Variants in HCN2 observed in about 807,000 individuals in gnomAD.
HCN2 encodes hyperpolarization activated cyclic nucleotide gated potassium and sodium channel 2, also known as potassium/sodium hyperpolarization-activated cyclic nucleotide-gated channel 2.
HCN2 carries 20 observed loss-of-function variants against 52.3 expected under a neutral mutation model. The observed-to-expected ratio is 0.38, with a 90% CI of 0.27 to 0.56. HCN2 has a LOEUF of 0.56. Ranked by LOEUF, HCN2 falls within the 20% of genes least tolerant of loss-of-function variation. The probability of loss-of-function intolerance (pLI) is 0.71; values close to 1 mark genes in which losing one functional copy is unlikely to be tolerated. For missense variants in HCN2, 981 were observed against 1,207.7 expected (o/e 0.81, Z 2.78); for synonymous variants, 694 against 537.0 (o/e 1.29, Z -4.04).
chr19:614,276 T>C (rs1303319187), intron 7 of HCN2, among the ~76,000 whole-genome samples: 1 of 152,168 alleles, frequency 6.6e-6, no homozygotes, highest in Non-Finnish European at 1.5e-5. Flanking sequence ...TTGTCCTACT[T>C]CAGCCAGAGG....
In HCN2 at chr19:590,509, C is replaced by T. The variant is rs370644700; in HGVS notation, c.564C>T (p.Ala188=). 2 of 1,521,166 alleles carry T rather than the reference C, an allele frequency of 1.3e-6. No individual in the cohort carries two copies. Among genetic ancestry groups the T allele is most frequent in the Admixed American group, 1.9e-5 (1 of 52,756 alleles). The allele number at this position is 1,521,166 out of a possible 1,614,324, so 94.2% of individuals were successfully genotyped here. A position where few individuals can be genotyped will look rare whatever the true frequency, so the allele number is the denominator to read the frequency against. ...FSLRMFGSQK[A]VEREQERVKS... ...TGCGGATGTTCGGCAGCCAGAAGGC[C>T]GTGGAGCGCGAGCAGGAGCGCGTCA... The change falls in exon 1 of 8, where the codon GCC becomes GCT. Residue 188 remains alanine, a synonymous_variant. Coordinates refer to ENST00000251287, the MANE Select transcript of HCN2 (RefSeq NM_001194.4). This position sits in a 1 kb window ranked among gnomAD's most constrained non-coding sequence, Gnocchi z 7.2.
chr19:597,736 G>T (rs1229984156), intron 1 of HCN2, among the ~76,000 whole-genome samples: 2 of 151,058 alleles, frequency 1.3e-5, no homozygotes, highest in African/African-American at 4.9e-5. Flanking sequence ...AGGTCCTCCT[G>T]GTGGTTTCTA....
chr19:610,129 GC>G, intron 4 of HCN2, 129 bp from the exon 5 acceptor site: 1 of 1,076,110 alleles, frequency 9.3e-7, no homozygotes, highest in African/African-American at 1.6e-5. Flanking sequence ...ACAAGCAGGT[GC>G]CCGTGTGCCC....
Position 603,658 on chromosome 19 carries a change from G to C in HCN2, c.747G>C (p.Val249=), listed in dbSNP as rs760661829. 4 of 1,612,484 alleles carry C rather than the reference G, an allele frequency of 2.5e-6. No homozygotes were observed. In the East Asian group the frequency reaches 8.9e-5, roughly 36 times the overall value. Residue 249 remains valine (V), a synonymous_variant, in exon 2 of 8, where the codon GTG becomes GTC. Transcript: ENST00000251287. ...CTGCCCCGTGGATCGTGTTCAACGT[G>C]GTCTCGGACACCTTCTTCCTCATGG... The part of the protein sequence containing the change: ...ETTAPWIVFN[V]VSDTFFLMDL...
chr19:601,014 C>T (rs944918050), intron 1 of HCN2, among the ~76,000 whole-genome samples: 2 of 152,244 alleles, frequency 1.3e-5, no homozygotes, highest in Non-Finnish European at 2.9e-5. Context: ...CTGGACATTT[C>T]GTAGAAATGG....
In HCN2 at chr19:616,368, G is replaced by A; in HGVS notation, c.2564G>A (p.Arg855Gln). 6 of 1,223,038 alleles carry A rather than the reference G, an allele frequency of 4.9e-6. No individual in the cohort carries two copies. The highest frequency in any genetic ancestry group is 1.6e-5 in the African/African-American group (1 of 61,596). 75.8% of individuals were successfully genotyped at this position (1,223,038 alleles called of 1,614,324 possible). Residue 855 changes from arginine to glutamine, a missense_variant, in exon 8 of 8, where the codon CGG becomes CAG. Coordinates refer to ENST00000251287, the MANE Select transcript of HCN2 (RefSeq NM_001194.4). Reference protein sequence around the residue: ...TPRLGPTPAARAAAPSPDRRD... With the variant: ...TPRLGPTPAAQAAAPSPDRRD... ...CGCTTGGGGCCCACGCCCGCTGCCC[G>A]GGCCGCCGCGCCCAGCCCGGACCGC...
intron 3 of HCN2, among the ~76,000 whole-genome samples, chr19:606,256 AC>A (rs910860374): frequency 2.0e-5 from 3 of 151,990 alleles, no homozygotes; most frequent in Middle Eastern, 3.4e-3. Flanking sequence ...GCCCGCCACC[AC>A]ACCTGGATAA....
In HCN2 at chr19:603,917, C is replaced by A. The variant is rs765553182; in HGVS notation, c.1006C>A (p.Arg336=). Residue 336 remains arginine (R), a synonymous_variant, in exon 2 of 8, where the codon CGG becomes AGG. Coordinates refer to ENST00000251287, the MANE Select transcript of HCN2 (RefSeq NM_001194.4). ...VRFTKILSLL[R]LLRLSRLIRY... ...CTTCACCAAGATCCTCAGCCTCCTGCGGCTGCTGCGCCTCTCACGCCTGAT... is the reference window on the plus strand; with the variant it reads ...CTTCACCAAGATCCTCAGCCTCCTGAGGCTGCTGCGCCTCTCACGCCTGAT... The A allele has an allele frequency of 4.5e-6, 7 of 1,539,086 alleles. No homozygotes were observed. In the South Asian group the frequency reaches 6.7e-5, roughly 15 times the overall value.
intron 4 of HCN2, among the ~76,000 whole-genome samples, chr19:609,913 G>A (rs952902886): frequency 3.3e-5 from 5 of 152,072 alleles, no homozygotes; most frequent in South Asian, 2.1e-4. Flanking sequence ...AAAAAAAAAT[G>A]GAATTTATCA....
intron 1 of HCN2, among the ~76,000 whole-genome samples, chr19:599,155 T>A (rs1163035480): frequency 6.6e-6 from 1 of 152,268 alleles, no homozygotes; most frequent in Non-Finnish European, 1.5e-5. Context: ...ACCGAGCTGC[T>A]GTGAACATTT....
At chr19:612,280 G>C (rs1390646984) in intron 5 of HCN2, among the ~76,000 whole-genome samples, 1 of 152,196 alleles carries the variant, frequency 6.6e-6, no homozygotes, top group Non-Finnish European at 1.5e-5. Flanking sequence ...AGCTGCCTTT[G>C]CTAAGGGGAA....
chr19:593,210 G>C (rs1982922744), intron 1 of HCN2, among the ~76,000 whole-genome samples: 1 of 152,230 alleles, frequency 6.6e-6, no homozygotes, highest in Non-Finnish European at 1.5e-5. Context: ...CCCAGTCCCA[G>C]TATACAGCAG....
Position 590,239 on chromosome 19 carries a change from G to A in HCN2, c.294G>A (p.Pro98=), listed in dbSNP as rs1353030902. 2.0e-6 allele frequency: 2 copies of A among 988,928 alleles called. No homozygotes were observed. Among genetic ancestry groups the A allele is most frequent in the Non-Finnish European group, 1.2e-6 (1 of 833,986 alleles). 61.3% of individuals were successfully genotyped at this position (988,928 alleles called of 1,614,324 possible). A position where few individuals can be genotyped will look rare whatever the true frequency, so the allele number is the denominator to read the frequency against. The change falls in exon 1 of 8, where the codon CCG becomes CCA. Residue 98 remains proline (P), a synonymous_variant. Transcript: ENST00000251287. This position sits in a 1 kb window ranked among gnomAD's most constrained non-coding sequence, Gnocchi z 7.2. The stretch of plus-strand genomic sequence containing the variant: ...CGGCGAGCACGGCCAAGGGCAGCCC[G>A]AACGGCGAGTGCGGGCGCGGCGAGC... ...PGAASTAKGS[P]NGECGRGEPQ...
chr19:594,594 C>T (rs961438575), intron 1 of HCN2, among the ~76,000 whole-genome samples: 9 of 152,324 alleles, frequency 5.9e-5, no homozygotes, highest in African/African-American at 1.7e-4. Flanking sequence ...CCTCAGATGG[C>T]TGAGTGGGTC....
intron 1 of HCN2, among the ~76,000 whole-genome samples, chr19:595,550 C>A (rs1983002727): frequency 1.3e-5 from 2 of 152,200 alleles, no homozygotes; most frequent in Admixed American, 1.3e-4. Flanking sequence ...ACTGCCCTCC[C>A]CTCACCATCT....
Position 615,929 on chromosome 19 carries a change from C to G in HCN2, c.2125C>G (p.Gln709Glu). ...GATGGTGCAGCAGGCCGAGCTGGGT[C>G]AGCGCGTGGGCCTCTTCCCGCCGCC... The part of the protein sequence containing the change: ...REMVQQAELG[Q>E]RVGLFPPPPP... Residue 709 changes from glutamine to glutamate, a missense_variant, in exon 8 of 8, where the codon CAG becomes GAG. By Grantham distance (29) the Gln-to-Glu change is conservative. Around this residue, in one of 6 missense-constraint regions of HCN2, gnomAD observed 368 missense variants for 314.8 expected, o/e 1.17. Coordinates refer to ENST00000251287, the MANE Select transcript of HCN2 (RefSeq NM_001194.4). 1 of 1,611,290 alleles carries G rather than the reference C, an allele frequency of 6.2e-7. No homozygotes were observed. Among genetic ancestry groups the G allele is most frequent in the Non-Finnish European group, 8.5e-7 (1 of 1,179,646 alleles).
Position 589,996 on chromosome 19 carries a change from C to A in HCN2, c.51C>A (p.Thr17=). Residue 17 remains threonine (T), a synonymous_variant, in exon 1 of 8, where the codon ACC becomes ACA. Coordinates refer to ENST00000251287, the MANE Select transcript of HCN2 (RefSeq NM_001194.4). ...GGRPGESPGA[T]PAPGPPPPPP... Reference sequence around the variant, plus strand: ...GGCCCGGGGAGAGCCCGGGCGCGACCCCCGCGCCGGGGCCGCCGCCGCCGC... The same window carrying A: ...GGCCCGGGGAGAGCCCGGGCGCGACACCCGCGCCGGGGCCGCCGCCGCCGC... 1.4e-6 allele frequency: 1 copy of A among 727,772 alleles called. No homozygotes were observed. Among genetic ancestry groups the A allele is most frequent in the Non-Finnish European group, 1.6e-6 (1 of 606,640 alleles). 45.1% of individuals were successfully genotyped at this position (727,772 alleles called of 1,614,324 possible).
At chr19:603,476 G>T in intron 1 of HCN2, 68 bp from the exon 2 acceptor site, 1 of 1,300,384 alleles carries the variant, frequency 7.7e-7, no homozygotes, top group Non-Finnish European at 1.1e-6. Flanking sequence ...AAGGAAGAGT[G>T]CCCGGGGCTG....
intron 1 of HCN2, among the ~76,000 whole-genome samples, chr19:602,593 C>T (rs369184548): frequency 1.3e-5 from 2 of 152,202 alleles, no homozygotes; most frequent in Admixed American, 6.5e-5. Context: ...TTCCCGCCTT[C>T]GCTCTCCCTG....
Sources: gnomAD v4.1 joint callset for allele counts (sites outside exome capture counted in the v4.1 genomes callset) on GRCh38, gnomAD v4.1.1 for gene constraint, gnomAD v4.1.1 regional missense constraint, Gnocchi (gnomAD v3.1) non-coding constraint, MANE v1.5 for transcripts, NCBI Gene and HGNC (gene_info 2026-07-23, HGNC 2026-07-21) for gene names.